Variants in TOX2 observed in about 807,000 individuals in gnomAD.
TOX2 encodes the protein granulosa cell HMG box 1.
TOX2 carries 15 observed loss-of-function variants against 47.4 expected under a neutral mutation model. The observed-to-expected ratio is 0.32, with a 90% CI of 0.21 to 0.49. TOX2 has a LOEUF of 0.49. Ranked by LOEUF, TOX2 falls within the 20% of genes least tolerant of loss-of-function variation. The probability of loss-of-function intolerance (pLI) is 0.99; values close to 1 mark genes in which losing one functional copy is unlikely to be tolerated. For synonymous variants in TOX2, 290 were observed against 296.6 expected (o/e 0.98, Z 0.23); for missense variants, 622 against 673.1 (o/e 0.92, Z 0.84).
intron 1 of TOX2, among the ~76,000 whole-genome samples, chr20:43,955,803 A>G (rs1203612010): frequency 1.3e-5 from 2 of 152,160 alleles, no homozygotes; most frequent in African/African-American, 4.8e-5. Context: ...TGTGTTAGCC[A>G]GTGTTTCTTC....
chr20:43,982,803 G>T (rs1366856501), intron 2 of TOX2, among the ~76,000 whole-genome samples: 1 of 150,898 alleles, frequency 6.6e-6, no homozygotes, highest in Admixed American at 6.7e-5. Context: ...GGGACAATCA[G>T]CAGGGGTCTG....
At position 43,994,175 on chromosome 20, in the gene TOX2, A is replaced by G. The variant is rs145063300; in HGVS notation, c.166-12372A>G. ...CGAAAAAGAAAATTCAATTAAAAAA[A>G]CAAAAACAGTTTGGCACGGTGGCTC... On this transcript the variant is annotated intron_variant, in intron 2 of 8. Coordinates refer to ENST00000341197, the MANE Select transcript of TOX2 (RefSeq NM_001098797.2). Among the ~76,000 whole-genome samples, 218 of 152,030 alleles carry G rather than the reference A, an allele frequency of 1.4e-3. 2 individuals carry two copies. The highest frequency in any genetic ancestry group is 0.014 in the Middle Eastern group (4 of 292).
At chr20:43,960,903 G>T (rs1036846152) in intron 1 of TOX2, among the ~76,000 whole-genome samples, 1 of 152,214 alleles carries the variant, frequency 6.6e-6, no homozygotes, top group Non-Finnish European at 1.5e-5. Flanking sequence ...GGCTCAGAGG[G>T]CATCACCCAT....
intron 3 of TOX2, among the ~76,000 whole-genome samples, chr20:44,012,311 G>A (rs1473528983): frequency 6.6e-6 from 1 of 152,204 alleles, no homozygotes; most frequent in East Asian, 1.9e-4. Flanking sequence ...CCTGGGAGAT[G>A]ACAGAGTTGG....
intron 2 of TOX2, among the ~76,000 whole-genome samples, chr20:43,995,548 G>A (rs1360529777): frequency 3.3e-5 from 5 of 152,134 alleles, no homozygotes; most frequent in South Asian, 2.1e-4. Context: ...TCAGGGGTAC[G>A]TGTGAAGGTT....
intron 3 of TOX2, among the ~76,000 whole-genome samples, chr20:44,046,006 C>T (rs558194179): frequency 3.3e-5 from 5 of 152,282 alleles, no homozygotes; most frequent in Admixed American, 1.3e-4. Context: ...CATTTTAAAA[C>T]CTTCTATAAA....
chr20:44,066,344 C>A (rs1220975440), intron 7 of TOX2, among the ~76,000 whole-genome samples: 2 of 152,182 alleles, frequency 1.3e-5, no homozygotes, highest in Non-Finnish European at 2.9e-5. Flanking sequence ...ATACTCCAGT[C>A]CCCCCTTCCT....
intron 2 of TOX2, among the ~76,000 whole-genome samples, chr20:43,980,030 A>G (rs911896626): frequency 1.6e-4 from 25 of 152,240 alleles, no homozygotes; most frequent in Non-Finnish European, 3.2e-4. Context: ...TGCTGGGTAT[A>G]TACCCCAAAG....
At chr20:43,917,059 G>A (rs1033098846) in intron 1 of TOX2, among the ~76,000 whole-genome samples, 5 of 152,198 alleles carry the variant, frequency 3.3e-5, no homozygotes, top group Non-Finnish European at 7.4e-5. Context: ...AGTGGGGCGG[G>A]GCAGGGATGG....
chr20:44,003,244 T>C (rs1324677376), intron 2 of TOX2, among the ~76,000 whole-genome samples: 1 of 151,042 alleles, frequency 6.6e-6, no homozygotes, highest in Non-Finnish European at 1.5e-5. Flanking sequence ...TGGAGTGCAG[T>C]GGCACAATCA....
intron 3 of TOX2, among the ~76,000 whole-genome samples, chr20:44,046,725 T>C (rs1484810752): frequency 2.0e-5 from 3 of 152,188 alleles, no homozygotes; most frequent in Admixed American, 1.3e-4. Context: ...AGTAAAGTAG[T>C]CAAAACTGTT....
chr20:43,989,359 G>C (rs1196903815), intron 2 of TOX2, among the ~76,000 whole-genome samples: 2 of 152,224 alleles, frequency 1.3e-5, no homozygotes, highest in Non-Finnish European at 2.9e-5. Flanking sequence ...TGCCTATAAA[G>C]ACAGAATCAA....
At chr20:44,029,441 G>A (rs971563605) in intron 3 of TOX2, among the ~76,000 whole-genome samples, 1 of 152,132 alleles carries the variant, frequency 6.6e-6, no homozygotes. Context: ...ACCTGGGTTT[G>A]GATCCTGATC....
chr20:43,932,096 G>A (rs1352928590), intron 1 of TOX2, among the ~76,000 whole-genome samples: 2 of 152,120 alleles, frequency 1.3e-5, no homozygotes. Context: ...GGAGAGTGGG[G>A]TATCAAAGAA....
At chr20:44,052,591 G>A (rs959211729) in intron 4 of TOX2, among the ~76,000 whole-genome samples, 5 of 152,158 alleles carry the variant, frequency 3.3e-5, no homozygotes, top group East Asian at 3.9e-4. Flanking sequence ...ATGCAGGAAC[G>A]GTTTTTATTT....
At position 43,914,889 on chromosome 20, in the gene TOX2, G is replaced by T. The variant is rs969402849; in HGVS notation, c.-3G>T. 51 of 1,043,294 alleles carry T rather than the reference G, an allele frequency of 4.9e-5. No individual in the cohort carries two copies. Among genetic ancestry groups the T allele is most frequent in the African/African-American group, 1.7e-4 (10 of 57,906 alleles). 64.6% of individuals were successfully genotyped at this position (1,043,294 alleles called of 1,614,324 possible). ...AGCCGCCGCCGCCGCCGCCGCGCCC[G>T]CCATGGACGTCCGCCTGTACCCCTC... On this transcript the variant is annotated 5_prime_UTR_variant, in exon 1 of 9. Coordinates refer to ENST00000341197, the MANE Select transcript of TOX2 (RefSeq NM_001098797.2). The surrounding 1 kb of genome is among the most constrained non-coding windows in gnomAD (Gnocchi z 4.5).
At chr20:43,964,616 A>C (rs1166816501) in intron 1 of TOX2, among the ~76,000 whole-genome samples, 1 of 152,144 alleles carries the variant, frequency 6.6e-6, no homozygotes, top group East Asian at 1.9e-4. Flanking sequence ...GGGAGGAGCA[A>C]CAGCTTCTAC....
At chr20:44,041,893 G>A (rs952637611) in intron 3 of TOX2, among the ~76,000 whole-genome samples, 1 of 152,166 alleles carries the variant, frequency 6.6e-6, no homozygotes, top group African/African-American at 2.4e-5. Flanking sequence ...CACACATTCT[G>A]AGAATCTTAC....
intron 2 of TOX2, among the ~76,000 whole-genome samples, chr20:43,998,943 A>G (rs2070529373): frequency 6.6e-6 from 1 of 152,122 alleles, no homozygotes; most frequent in Non-Finnish European, 1.5e-5. Context: ...TATTTTTAGT[A>G]GAGATGGAGT....
Sources: allele counts gnomAD v4.1 joint callset (sites outside exome capture counted in the v4.1 genomes callset), GRCh38; gene constraint gnomAD v4.1.1; non-coding constraint Gnocchi (gnomAD v3.1); transcripts MANE v1.5; gene names NCBI Gene and HGNC (gene_info 2026-07-23, HGNC 2026-07-21).